REEP5: variants seen among roughly 807,000 people sequenced by gnomAD.
REEP5 encodes receptor expression-enhancing protein 5.
REEP5 carries 24 observed loss-of-function variants against 22.4 expected under a neutral mutation model. That is an observed-to-expected ratio of 1.07 (90% confidence interval 0.78 to 1.51). REEP5 has a LOEUF of 1.51. Ranked by LOEUF, REEP5 falls within the 40% of genes most tolerant of loss-of-function variation. REEP5 has a pLI of 0.00. For missense variants in REEP5, 252 were observed against 233.0 expected (o/e 1.08, Z -0.53); for synonymous variants, 103 against 88.6 (o/e 1.16, Z -0.92).
chr5:112,881,128 CAA>C (rs58737941), intron 4 of REEP5, among the ~76,000 whole-genome samples: 3 of 67,200 alleles, frequency 4.5e-5, no homozygotes, highest in Non-Finnish European at 5.2e-5. Flanking sequence ...GACTCTGTTT[CAA>C]AAAAAAAAAA....
intron 3 of REEP5, among the ~76,000 whole-genome samples, chr5:112,887,647 C>G (rs1043660005): frequency 6.6e-6 from 1 of 152,146 alleles, no homozygotes; most frequent in Non-Finnish European, 1.5e-5. Context: ...AATACCTTGT[C>G]CATTCCTGAA....
intron 3 of REEP5, chr5:112,895,557 G>A (rs1768657145): frequency 6.6e-6 from 1 of 152,144 alleles, no homozygotes; most frequent in Non-Finnish European, 1.5e-5. Flanking sequence ...ACTGCAGACT[G>A]TTAATTGACT....
intron 2 of REEP5, among the ~76,000 whole-genome samples, chr5:112,908,444 G>C (rs1456999096): frequency 2.0e-5 from 3 of 151,970 alleles, no homozygotes; most frequent in African/African-American, 7.3e-5. Flanking sequence ...TATGAGACTA[G>C]TTTTCTCTAT....
At chr5:112,882,141 T>A in intron 4 of REEP5, 1 of 153,568 alleles carries the variant, frequency 6.5e-6, no homozygotes. Context: ...TCTAATATCC[T>A]GACCTCTTAG....
chr5:112,899,853 T>C (rs1347409125), intron 3 of REEP5, among the ~76,000 whole-genome samples: 1 of 152,244 alleles, frequency 6.6e-6, no homozygotes, highest in Non-Finnish European at 1.5e-5. Flanking sequence ...ATATGTACAT[T>C]ATACCAACTG....
At chr5:112,889,596 T>C (rs971406102) in intron 3 of REEP5, among the ~76,000 whole-genome samples, 6 of 150,710 alleles carry the variant, frequency 4.0e-5, no homozygotes, top group Admixed American at 1.3e-4. Flanking sequence ...TAGCTATAGA[T>C]AGCTTTCAAA....
At chr5:112,885,324 T>C (rs1280545912) in intron 4 of REEP5, 3 of 177,108 alleles carry the variant, frequency 1.7e-5, no homozygotes, top group Admixed American at 1.3e-4. Context: ...AAGTGGTAGA[T>C]TTAGAACAGA....
intron 2 of REEP5, among the ~76,000 whole-genome samples, chr5:112,912,974 G>A (rs1203995620): frequency 6.6e-6 from 1 of 152,148 alleles, no homozygotes; most frequent in East Asian, 1.9e-4. Context: ...TGCTTTTAAA[G>A]CAAGAGAGAA....
chr5:112,879,942 A>T (rs943999629), intron 4 of REEP5, among the ~76,000 whole-genome samples: 4 of 151,906 alleles, frequency 2.6e-5, no homozygotes, highest in African/African-American at 7.2e-5. Flanking sequence ...AAAAAATTTT[A>T]AAAGCCCATC....
chr5:112,913,185 C>T (rs1444673101), intron 2 of REEP5, among the ~76,000 whole-genome samples: 3 of 152,024 alleles, frequency 2.0e-5, no homozygotes, highest in Non-Finnish European at 4.4e-5. Context: ...ATCCCAGCTA[C>T]TTGGGAGGCT....
chr5:112,907,666 T>C (rs537150340), intron 2 of REEP5, among the ~76,000 whole-genome samples: 35 of 152,344 alleles, frequency 2.3e-4, no homozygotes, highest in Non-Finnish European at 4.6e-4. Context: ...CTACATTTTA[T>C]ATAGACAAAA....
intron 4 of REEP5, chr5:112,885,351 A>G: frequency 5.7e-6 from 1 of 175,548 alleles, no homozygotes; most frequent in Non-Finnish European, 1.2e-5. Flanking sequence ...AACTTTTGCT[A>G]GAAAATCAGT....
At chr5:112,919,698 C>T (rs1580758310) in intron 2 of REEP5, among the ~76,000 whole-genome samples, 1 of 152,190 alleles carries the variant, frequency 6.6e-6, no homozygotes, top group Admixed American at 6.5e-5. Context: ...ATCTTTGAAG[C>T]AGGGAGCAAG....
intron 3 of REEP5, among the ~76,000 whole-genome samples, chr5:112,890,165 T>G (rs1768391137): frequency 6.7e-6 from 1 of 150,238 alleles, no homozygotes; most frequent in South Asian, 2.1e-4. Flanking sequence ...CTTGGTGATG[T>G]ATGCCTGTGG....
intron 3 of REEP5, chr5:112,893,607 C>T (rs1339055671): frequency 1.3e-5 from 2 of 152,794 alleles, no homozygotes; most frequent in Non-Finnish European, 2.9e-5. Context: ...GATCTTCAGA[C>T]TTGGGAAAGC....
chr5:112,908,776 C>T (rs967277629), intron 2 of REEP5, among the ~76,000 whole-genome samples: 5 of 151,594 alleles, frequency 3.3e-5, no homozygotes, highest in Non-Finnish European at 7.4e-5. Flanking sequence ...AGGATTGTCT[C>T]GATCTCCTGA....
At chr5:112,919,276 G>A (rs895097563) in intron 2 of REEP5, among the ~76,000 whole-genome samples, 2 of 152,132 alleles carry the variant, frequency 1.3e-5, no homozygotes, top group African/African-American at 4.8e-5. Context: ...GGCCAGGTGT[G>A]GTAGCTCACG....
chr5:112,892,960 C>CGGAGCCAGAGCCGCA (rs1768534487), intron 3 of REEP5: 1 of 1,594,742 alleles, frequency 6.3e-7, no homozygotes, highest in Non-Finnish European at 8.6e-7. Flanking sequence ...CCAGGGCCGC[C>CGGAGCCAGAGCCGCA]GGAGCCAGAG....
chr5:112,891,472 G>A, intron 3 of REEP5: 2 of 886,298 alleles, frequency 2.3e-6, no homozygotes, highest in Admixed American at 5.9e-5. Flanking sequence ...ATATAAAGGA[G>A]AAACAAAATG....
Sources: allele counts gnomAD v4.1 joint callset (sites outside exome capture counted in the v4.1 genomes callset), GRCh38; gene constraint gnomAD v4.1.1; transcripts MANE v1.5; gene names NCBI Gene and HGNC (gene_info 2026-07-23, HGNC 2026-07-21).